The following FAM117B variants were observed in gnomAD, a reference collection of about 807,000 sequenced individuals.
The protein encoded by FAM117B is protein FAM117B.
FAM117B carries 22 observed loss-of-function variants against 52.8 expected under a neutral mutation model. That is an observed-to-expected ratio of 0.42 (90% CI 0.30 to 0.59). The LOEUF (loss-of-function observed/expected upper bound fraction) is 0.59, where lower values mean the gene tolerates loss of function less well. Ranked by LOEUF, FAM117B falls within the 20% of genes least tolerant of loss-of-function variation. FAM117B has a pLI of 0.22. For synonymous variants in FAM117B, 309 were observed against 324.1 expected (o/e 0.95, Z 0.50); for missense variants, 678 against 802.6 (o/e 0.84, Z 1.88).
Position 202,698,899 on chromosome 2 carries a change from C to T in FAM117B, c.753+2867C>T, listed in dbSNP as rs188816795. On this transcript the variant is annotated intron_variant, in intron 2 of 7. Transcript: ENST00000392238. ...AAGTTTATTTCCTTGAGCATTTCTA[C>T]AGCACCCTTTATTTCCACTGCAGTT... 7.2e-5 allele frequency among the ~76,000 whole-genome samples: 11 copies of T among 152,284 alleles called. No homozygotes were observed. The East Asian group carries it at 7.7e-4, about 11-fold the overall frequency.
At chr2:202,722,007 ATT>A (rs57678317) in intron 2 of FAM117B, among the ~76,000 whole-genome samples, 22 of 128,564 alleles carry the variant, frequency 1.7e-4, no homozygotes, top group Non-Finnish European at 1.6e-4. Context: ...TAAAGATACA[ATT>A]TTTTTTTTTT....
At position 202,708,091 on chromosome 2, in the gene FAM117B, GA is replaced by G. The variant is rs201708218; in HGVS notation, c.753+12061del. 8.7e-3 allele frequency among the ~76,000 whole-genome samples: 1,321 copies of G among 151,790 alleles called. 19 individuals are homozygous for G. The highest frequency in any genetic ancestry group is 0.03 in the African/African-American group (1,228 of 41,356). ...AGCCTAATTTTTTATTTTATTGTCAGAAGAGATCTACTCTCAACAAAATTTT... is the reference window on the plus strand; with the variant it reads ...AGCCTAATTTTTTATTTTATTGTCAGAGAGATCTACTCTCAACAAAATTTT... On this transcript the variant is annotated intron_variant, in intron 2 of 7. Transcript: ENST00000392238.
intron 2 of FAM117B, among the ~76,000 whole-genome samples, chr2:202,703,992 AGTC>A (rs759520693): frequency 6.6e-6 from 1 of 152,228 alleles, no homozygotes; most frequent in Non-Finnish European, 1.5e-5. Flanking sequence ...GAAAAATTAT[AGTC>A]GTCCTAGTAG....
Position 202,637,281 on chromosome 2 carries a change from G to A in FAM117B, c.601+1493G>A, listed in dbSNP as rs1020488156. On this transcript the variant is annotated intron_variant, in intron 1 of 7. Coordinates refer to ENST00000392238, the MANE Select transcript of FAM117B (RefSeq NM_173511.4). ...TATATTTTTATTTATTTTTTGAGAC[G>A]GAGTCTTGCTCAGCTGCCCAGGCTG... 2.1e-5 allele frequency among the ~76,000 whole-genome samples: 3 copies of A among 144,790 alleles called. No homozygotes were observed. In the Admixed American group the frequency reaches 2.1e-4, roughly 10 times the overall value. 95.0% of individuals were successfully genotyped at this position (144,790 alleles called of 152,430 possible).
intron 2 of FAM117B, among the ~76,000 whole-genome samples, chr2:202,707,532 C>T (rs555527056): frequency 2.8e-4 from 42 of 151,954 alleles, no homozygotes; most frequent in Non-Finnish European, 5.6e-4. Context: ...GGTGAAACCC[C>T]GTCTCTACCA....
intron 1 of FAM117B, among the ~76,000 whole-genome samples, chr2:202,673,968 G>T (rs1033476327): frequency 6.6e-6 from 1 of 152,008 alleles, no homozygotes; most frequent in African/African-American, 2.4e-5. Context: ...AATCTAGTGA[G>T]GCAGCTTCTT....
intron 1 of FAM117B, among the ~76,000 whole-genome samples, chr2:202,667,730 A>G (rs1330347389): frequency 6.6e-6 from 1 of 152,026 alleles, no homozygotes; most frequent in Non-Finnish European, 1.5e-5. Context: ...ACCTATTTCT[A>G]CTCAAGTTGA....
At chr2:202,699,816 C>A (rs1432430562) in intron 2 of FAM117B, among the ~76,000 whole-genome samples, 1 of 152,134 alleles carries the variant, frequency 6.6e-6, no homozygotes, top group Non-Finnish European at 1.5e-5. Context: ...AGGTTTGTGG[C>A]AACTCTGCCC....
At chr2:202,751,629 G>C (rs1691722957) in intron 4 of FAM117B, among the ~76,000 whole-genome samples, 1 of 151,848 alleles carries the variant, frequency 6.6e-6, no homozygotes, top group Admixed American at 6.6e-5. Flanking sequence ...AAATTTAGCT[G>C]GGCGTTGTCG....
intron 2 of FAM117B, among the ~76,000 whole-genome samples, chr2:202,719,074 T>C (rs777309541): frequency 2.3e-4 from 35 of 152,218 alleles, no homozygotes; most frequent in Admixed American, 3.9e-4. Flanking sequence ...AAACATTTAA[T>C]TAAAACTCAA....
intron 1 of FAM117B, among the ~76,000 whole-genome samples, chr2:202,694,383 G>A (rs1690677887): frequency 6.6e-6 from 1 of 151,446 alleles, no homozygotes; most frequent in Non-Finnish European, 1.5e-5. Flanking sequence ...TAGAGACGGG[G>A]TTTCGCCATG....
chr2:202,666,054 A>G (rs1690200844), intron 1 of FAM117B, among the ~76,000 whole-genome samples: 1 of 152,240 alleles, frequency 6.6e-6, no homozygotes, highest in African/African-American at 2.4e-5. Flanking sequence ...TTATGGCAAC[A>G]TTTGTTATGA....
Position 202,635,678 on chromosome 2 carries a change from A to G in FAM117B, c.491A>G (p.Glu164Gly). ...SSSPTHLWTG[E>G]VSAAPPPARV... The stretch of plus-strand genomic sequence containing the variant: ...TCGCCCACCCACCTGTGGACCGGCG[A>G]GGTGAGCGCGGCCCCACCCCCAGCC... Residue 164 changes from glutamate (E) to glycine (G), a missense_variant, in exon 1 of 8, where the codon GAG becomes GGG. By Grantham distance (98) the Glu-to-Gly change is moderately conservative. Around this residue, in one of 3 missense-constraint regions of FAM117B, gnomAD observed 583 missense variants for 644.8 expected, o/e 0.90. Transcript: ENST00000392238. 7.2e-7 allele frequency: 1 copy of G among 1,396,034 alleles called. No homozygotes were observed. Among genetic ancestry groups the G allele is most frequent in the Non-Finnish European group, 9.3e-7 (1 of 1,075,630 alleles). The allele number at this position is 1,396,034 out of a possible 1,614,324, so 86.5% of individuals were successfully genotyped here.
At chr2:202,641,132 C>A in intron 1 of FAM117B, among the ~76,000 whole-genome samples, 1 of 152,182 alleles carries the variant, frequency 6.6e-6, no homozygotes, top group East Asian at 1.9e-4. Context: ...AAGACAGATA[C>A]ATAAGCATAT....
chr2:202,746,140 A>G (rs1217314307), intron 4 of FAM117B, among the ~76,000 whole-genome samples: 2 of 152,194 alleles, frequency 1.3e-5, no homozygotes, highest in African/African-American at 4.8e-5. Context: ...ATAGCTACAG[A>G]ATACACATAC....
chr2:202,737,623 A>G (rs1691460728), intron 4 of FAM117B, among the ~76,000 whole-genome samples: 2 of 150,640 alleles, frequency 1.3e-5, no homozygotes, highest in Admixed American at 1.3e-4. Flanking sequence ...TTTTTTTGAG[A>G]CAGAGTCTCG....
At chr2:202,661,899 C>A (rs1209577735) in intron 1 of FAM117B, among the ~76,000 whole-genome samples, 1 of 138,408 alleles carries the variant, frequency 7.2e-6, no homozygotes, top group African/African-American at 2.8e-5. Flanking sequence ...CCAGCCTGGG[C>A]AACAGAGCAA....
At chr2:202,719,717 T>C (rs920440948) in intron 2 of FAM117B, among the ~76,000 whole-genome samples, 1 of 152,188 alleles carries the variant, frequency 6.6e-6, no homozygotes, top group African/African-American at 2.4e-5. Flanking sequence ...ATTTGTTCTC[T>C]GTAGCAATTT....
chr2:202,734,755 C>G (rs1018586553), intron 4 of FAM117B, among the ~76,000 whole-genome samples: 10 of 152,136 alleles, frequency 6.6e-5, no homozygotes, highest in African/African-American at 2.4e-4. Context: ...TTCTCAGTAT[C>G]TTAGGCCATT....
Sources: allele counts gnomAD v4.1 joint callset (sites outside exome capture counted in the v4.1 genomes callset), GRCh38; gene constraint gnomAD v4.1.1; regional missense constraint gnomAD v4.1.1; transcripts MANE v1.5; gene names NCBI Gene and HGNC (gene_info 2026-07-23, HGNC 2026-07-21).